Variants in EXD3 observed in about 807,000 individuals in gnomAD.
EXD3 encodes exonuclease 3'-5' domain containing 3.
A neutral mutation model predicts 98.0 loss-of-function variants in EXD3; 92 were observed. That is an observed-to-expected ratio of 0.94 (90% CI 0.79 to 1.12). The LOEUF (loss-of-function observed/expected upper bound fraction) is 1.12, where lower values mean the gene tolerates loss of function less well. Ranked by LOEUF, EXD3 falls within the 50% of genes most tolerant of loss-of-function variation. The pLI, the probability that EXD3 is intolerant of heterozygous loss-of-function variation, is 0.00. For synonymous variants in EXD3, 569 were observed against 526.0 expected (o/e 1.08, Z -1.12); for missense variants, 1,222 against 1,191.6 (o/e 1.03, Z -0.38).
In EXD3 at chr9:137,383,478, C is replaced by T. The variant is rs1836425323; in HGVS notation, c.56-101G>A. The T allele has an allele frequency of 3.8e-5, 33 of 858,638 alleles. No individual in the cohort carries two copies. The South Asian group carries it at 5.3e-4, about 14-fold the overall frequency. 53.2% of individuals were successfully genotyped at this position (858,638 alleles called of 1,614,324 possible). On this transcript the variant is annotated intron_variant, in intron 2 of 21. Coordinates refer to ENST00000340951, the MANE Select transcript of EXD3 (RefSeq NM_017820.5). ...TCCCACTGACCCGCAATGCCTGGGGCTCCTCTGGACCCGGGGGGCCGGGAA... is the reference window on the plus strand; with the variant it reads ...TCCCACTGACCCGCAATGCCTGGGGTTCCTCTGGACCCGGGGGGCCGGGAA...
chr9:137,383,590 C>T (rs763824159), intron 2 of EXD3, among the ~76,000 whole-genome samples: 7 of 152,210 alleles, frequency 4.6e-5, no homozygotes, highest in African/African-American at 9.6e-5. Context: ...GGCCCGTGGC[C>T]GCCCATCCAG....
chr9:137,336,616 C>T (rs1833364727), intron 17 of EXD3, among the ~76,000 whole-genome samples: 1 of 149,614 alleles, frequency 6.7e-6, no homozygotes, highest in East Asian at 2.0e-4. Context: ...CGAGATTGTG[C>T]CACTGCACTC....
intron 5 of EXD3, among the ~76,000 whole-genome samples, chr9:137,370,320 A>G (rs1835524305): frequency 6.6e-6 from 1 of 152,130 alleles, no homozygotes; most frequent in Non-Finnish European, 1.5e-5. Flanking sequence ...CCACTTGGGA[A>G]ACTCAGCAGG....
At chr9:137,343,573 A>ATTTTTTTT (rs1564493044) in intron 17 of EXD3, 8 of 22,540 alleles carry the variant, frequency 3.5e-4, no homozygotes, top group Admixed American at 1.2e-3. Flanking sequence ...GGACTACTGT[A>ATTTTTTTT]TCTTTTTTTT....
At chr9:137,384,080 C>T (rs768345025) in intron 2 of EXD3, among the ~76,000 whole-genome samples, 76 of 152,198 alleles carry the variant, frequency 5.0e-4, no homozygotes, top group Non-Finnish European at 1.0e-3. Flanking sequence ...GCAGGGACTC[C>T]ACAGGGGAGG....
At chr9:137,398,179 G>C (rs1243803829) in intron 1 of EXD3, among the ~76,000 whole-genome samples, 1 of 152,202 alleles carries the variant, frequency 6.6e-6, no homozygotes, top group Non-Finnish European at 1.5e-5. Flanking sequence ...GAACGAGGGG[G>C]AAAGACAGAA....
At chr9:137,374,380 C>T (rs11507684) in intron 3 of EXD3, among the ~76,000 whole-genome samples, 1,688 of 152,350 alleles carry the variant, frequency 0.011, 24 homozygotes, top group African/African-American at 0.035. Context: ...CCACGGGATG[C>T]GCCCCCAGAG....
intron 17 of EXD3, chr9:137,345,999 A>C (rs1354224754): frequency 6.6e-6 from 1 of 152,072 alleles, no homozygotes; most frequent in Non-Finnish European, 1.5e-5. Context: ...AACCAGGGAA[A>C]AGTAATTAGA....
In EXD3 at chr9:137,373,116, G is replaced by T. The variant is rs1027852753; in HGVS notation, c.295-44C>A. The T allele has an allele frequency of 2.8e-5, 43 of 1,515,034 alleles. 1 individual carries two copies. The highest frequency in any genetic ancestry group is 3.5e-5 in the Non-Finnish European group (40 of 1,137,460). 93.8% of individuals were successfully genotyped at this position (1,515,034 alleles called of 1,614,324 possible). ...AGACTTACTGGACGCAGCACCCAGTGGCTGGGCCATGGGGCCGATTGAGGC... is the reference window on the plus strand; with the variant it reads ...AGACTTACTGGACGCAGCACCCAGTTGCTGGGCCATGGGGCCGATTGAGGC... On this transcript the variant is annotated intron_variant, in intron 4 of 21. Coordinates refer to ENST00000340951, the MANE Select transcript of EXD3 (RefSeq NM_017820.5).
At chr9:137,365,941 A>T in intron 7 of EXD3, 1 of 450,820 alleles carries the variant, frequency 2.2e-6, no homozygotes, top group Non-Finnish European at 4.3e-6. Context: ...GCACACACAA[A>T]CGTGCACACA....
In EXD3 at chr9:137,309,686, G is replaced by A; in HGVS notation, c.2199C>T (p.Asp733=). The A allele has an allele frequency of 1.9e-6, 3 of 1,555,602 alleles. No individual in the cohort carries two copies. Among genetic ancestry groups the A allele is most frequent in the African/African-American group, 1.4e-5 (1 of 73,424 alleles). ...TGTCCCTGGAGACCTTTAGGTACTG[G>A]TCACAGTTACAGGCCTGGGGGCCAG... ...IFSRCQACNC[D]QYLKVSRDMM... The change falls in exon 20 of 22, where the codon GAC becomes GAT. Residue 733 remains aspartate, a synonymous_variant. Transcript: ENST00000340951.
chr9:137,372,114 A>T (rs1029401799), intron 5 of EXD3, among the ~76,000 whole-genome samples: 3 of 152,092 alleles, frequency 2.0e-5, no homozygotes, highest in Non-Finnish European at 4.4e-5. Flanking sequence ...ACCAATTCTC[A>T]TCCAGACACC....
intron 17 of EXD3, among the ~76,000 whole-genome samples, chr9:137,339,496 CAAAAA>C (rs57029740): frequency 0.013 from 1,180 of 92,694 alleles, 21 homozygotes; most frequent in African/African-American, 0.039. Context: ...GACGCCACTT[CAAAAA>C]AAAAAAAAAA....
intron 8 of EXD3, among the ~76,000 whole-genome samples, chr9:137,355,472 GGAGGAAGGAGGAAGGAGGAT>G: frequency 8.6e-6 from 1 of 116,152 alleles, no homozygotes; most frequent in Non-Finnish European, 1.8e-5. Context: ...AAAGGAGGAA[GGAGGAAGGAGGAAGGAGGAT>G]GGAGGAAGGA....
chr9:137,314,765 T>TG (rs1831553366), intron 19 of EXD3, among the ~76,000 whole-genome samples: 1 of 152,236 alleles, frequency 6.6e-6, no homozygotes, highest in South Asian at 2.1e-4. Flanking sequence ...AGAAGGTCCC[T>TG]GGGGGTCGGG....
Position 137,393,617 on chromosome 9 carries a change from G to A in EXD3, c.55+1686C>T, listed in dbSNP as rs1004817996. Among the ~76,000 whole-genome samples the A allele has an allele frequency of 2.0e-5, 3 of 152,206 alleles. No individual in the cohort carries two copies. The highest frequency in any genetic ancestry group is 7.2e-5 in the African/African-American group (3 of 41,448). ...CAGCACCCACTGGGACACAGAAGAG[G>A]AAGGCAGAGAGGAAGCCCCTGGAGG... On this transcript the variant is annotated intron_variant, in intron 2 of 21. Transcript: ENST00000340951. The surrounding 1 kb of genome is among the most constrained non-coding windows in gnomAD (Gnocchi z 4.6).
intron 1 of EXD3, among the ~76,000 whole-genome samples, chr9:137,413,787 C>T (rs1002921912): frequency 1.3e-5 from 2 of 152,102 alleles, no homozygotes; most frequent in Non-Finnish European, 2.9e-5. Flanking sequence ...CCAAAGACAA[C>T]CAACCATGTG....
At chr9:137,346,420 T>C (rs1046013174) in intron 17 of EXD3, among the ~76,000 whole-genome samples, 41 of 151,966 alleles carry the variant, frequency 2.7e-4, no homozygotes, top group African/African-American at 9.7e-4. Flanking sequence ...CCCCACTTCT[T>C]ACACCCCTGA....
chr9:137,332,597 A>G (rs530226587), intron 17 of EXD3, among the ~76,000 whole-genome samples: 21 of 151,828 alleles, frequency 1.4e-4, no homozygotes, highest in Non-Finnish European at 2.4e-4. Context: ...TAATCCCAGC[A>G]CTTTGGGAGG....
Sources: allele counts gnomAD v4.1 joint callset (sites outside exome capture counted in the v4.1 genomes callset), GRCh38; gene constraint gnomAD v4.1.1; non-coding constraint Gnocchi (gnomAD v3.1); transcripts MANE v1.5; gene names NCBI Gene and HGNC (gene_info 2026-07-23, HGNC 2026-07-21).